ELF5: variants seen among roughly 807,000 people sequenced by gnomAD.
ELF5 encodes the protein ETS-related transcription factor Elf-5.
Under a neutral mutation model 38.2 loss-of-function variants are expected in ELF5, and 31 were observed. The ratio of observed to expected loss-of-function variants is 0.81; its 90% CI spans 0.61 to 1.10. The LOEUF (loss-of-function observed/expected upper bound fraction) is 1.10, where lower values mean the gene tolerates loss of function less well. Ranked by LOEUF, ELF5 falls within the 50% of genes least tolerant of loss-of-function variation. The pLI is 0.00. For synonymous variants in ELF5, 121 were observed against 112.5 expected (o/e 1.08, Z -0.48); for missense variants, 300 against 306.6 (o/e 0.98, Z 0.16).
Position 34,493,683 on chromosome 11 carries a change from G to C in ELF5, c.151C>G (p.Pro51Ala). 1.2e-6 allele frequency: 2 copies of C among 1,614,160 alleles called. No homozygotes were observed. Among genetic ancestry groups the C allele is most frequent in the Non-Finnish European group, 1.7e-6 (2 of 1,180,026 alleles). Residue 51 changes from proline to alanine, a missense_variant, in exon 3 of 7, where the codon CCT becomes GCT. Transcript: ENST00000257832. ...ACDSYWTSVHPEYWTKRHVWE... is the reference protein window; with the variant it reads ...ACDSYWTSVHAEYWTKRHVWE... Reference sequence around the variant, plus strand: ...ACATGGCGCTTAGTCCAGTATTCAGGGTGGACTGATGTCCAGTATGAGTCA... The same window carrying C: ...ACATGGCGCTTAGTCCAGTATTCAGCGTGGACTGATGTCCAGTATGAGTCA...
At chr11:34,480,354 C>T in intron 6 of ELF5, 40 bp from the exon 7 acceptor site, 1 of 1,503,214 alleles carries the variant, frequency 6.7e-7, no homozygotes, top group Non-Finnish European at 9.3e-7. Context: ...GGAGAGCTTG[C>T]ACCCTAGGAA....
intron 4 of ELF5, among the ~76,000 whole-genome samples, chr11:34,486,600 A>C (rs370264082): frequency 1.3e-5 from 2 of 152,338 alleles, no homozygotes; most frequent in South Asian, 4.1e-4. Flanking sequence ...GTGAGTGTGC[A>C]TAGCACACAA....
intron 4 of ELF5, 147 bp from the exon 5 acceptor site, chr11:34,482,646 A>G: frequency 1.6e-6 from 1 of 609,856 alleles, no homozygotes; most frequent in Non-Finnish European, 2.8e-6. Context: ...ACTAGGTGGC[A>G]GGTGTCAAGA....
At chr11:34,489,946 T>C (rs1035600066) in intron 4 of ELF5, 63 bp downstream of exon 4, 37 of 1,580,582 alleles carry the variant, frequency 2.3e-5, no homozygotes, top group Non-Finnish European at 3.1e-5. Context: ...AAAAGAATGG[T>C]CAAGCCCATG....
intron 4 of ELF5, among the ~76,000 whole-genome samples, chr11:34,487,347 T>A (rs1435044716): frequency 2.6e-5 from 4 of 152,138 alleles, no homozygotes; most frequent in African/African-American, 9.7e-5. Context: ...CTTGTCTCCA[T>A]GAGTTCATGC....
intron 1 of ELF5, chr11:34,511,394 C>A (rs750950495): frequency 6.8e-5 from 73 of 1,075,644 alleles, no homozygotes; most frequent in Non-Finnish European, 9.0e-5. Flanking sequence ...CACTGCCCAC[C>A]GATAGATCCG....
chr11:34,497,036 TA>T (rs1399781264), intron 2 of ELF5, among the ~76,000 whole-genome samples: 2 of 151,804 alleles, frequency 1.3e-5, no homozygotes, highest in African/African-American at 4.8e-5. Context: ...CTAGAAAAAA[TA>T]AAAAATACAA....
intron 2 of ELF5, among the ~76,000 whole-genome samples, chr11:34,500,909 C>T (rs1309922610): frequency 6.6e-6 from 1 of 152,056 alleles, no homozygotes; most frequent in East Asian, 1.9e-4. Flanking sequence ...CAAATAAAAT[C>T]TCACATTGTG....
chr11:34,508,654 G>A (rs2133904194), intron 1 of ELF5, among the ~76,000 whole-genome samples: 1 of 152,282 alleles, frequency 6.6e-6, no homozygotes, highest in Admixed American at 6.5e-5. Flanking sequence ...TTAAGAAAAA[G>A]TTTGCAACCC....
chr11:34,480,977 A>G lies in ELF5; in HGVS notation c.476-10T>C. The G allele has an allele frequency of 1.3e-6, 2 of 1,575,664 alleles. No homozygotes were observed. Among genetic ancestry groups the G allele is most frequent in the African/African-American group, 1.4e-5 (1 of 72,694 alleles). ...TGAGAACTTTGGAGGCCTTTTGAAA[A>G]GGGGAAAACATTAACTATTTACCAT... On this transcript the variant is annotated splice_polypyrimidine_tract_variant and intron_variant, in intron 5 of 6. Coordinates refer to ENST00000257832, the MANE Select transcript of ELF5 (RefSeq NM_001422.4).
In ELF5 at chr11:34,505,718, A is replaced by G. The variant is rs780368923; in HGVS notation, c.32T>C (p.Leu11Pro). The G allele has an allele frequency of 2.5e-6, 4 of 1,614,114 alleles. No individual in the cohort carries two copies. Among genetic ancestry groups the G allele is most frequent in the Non-Finnish European group, 1.7e-6 (2 of 1,179,980 alleles). The change falls in exon 2 of 7, where the codon CTG becomes CCG. Residue 11 changes from leucine (L) to proline (P), a missense_variant. Transcript: ENST00000257832. Reference sequence around the variant, plus strand: ...GGGATCGCAGAAGGATGCATTAGGCAGGAAGGTGCTGTGTGTCACCGAGTC... The same window carrying G: ...GGGATCGCAGAAGGATGCATTAGGCGGGAAGGTGCTGTGTGTCACCGAGTC... MLDSVTHSTF[L>P]PNASFCDPLM...
intron 2 of ELF5, among the ~76,000 whole-genome samples, chr11:34,494,078 G>A (rs1399202977): frequency 1.3e-5 from 2 of 152,216 alleles, no homozygotes; most frequent in Non-Finnish European, 2.9e-5. Flanking sequence ...GACAAGCTGG[G>A]TTGAAATTCT....
intron 4 of ELF5, among the ~76,000 whole-genome samples, chr11:34,485,861 G>T (rs969665529): frequency 6.6e-6 from 1 of 152,022 alleles, no homozygotes; most frequent in African/African-American, 2.4e-5. Flanking sequence ...TAGCACCACC[G>T]TGAACCCACT....
intron 3 of ELF5, 98 bp downstream of exon 3, chr11:34,493,381 T>C: frequency 8.6e-7 from 1 of 1,164,668 alleles, no homozygotes; most frequent in Non-Finnish European, 1.3e-6. Context: ...GTTAGTAAAA[T>C]TTTGCTGTGC....
chr11:34,508,795 G>A (rs1691392640), intron 1 of ELF5, among the ~76,000 whole-genome samples: 1 of 152,220 alleles, frequency 6.6e-6, no homozygotes. Context: ...GGGAATTTGT[G>A]TAACTAGCTC....
chr11:34,488,454 A>G (rs570109857), intron 4 of ELF5, among the ~76,000 whole-genome samples: 2 of 152,334 alleles, frequency 1.3e-5, no homozygotes, highest in East Asian at 3.9e-4. Flanking sequence ...TAAAAAGGCT[A>G]TAGCACTAGG....
rs759634005 is a variant in ELF5, at chr11:34,482,542, C to T, written c.407-43G>A. 4.0e-6 allele frequency: 6 copies of T among 1,511,598 alleles called. No homozygotes were observed. The African/African-American group carries it at 5.6e-5, about 14-fold the overall frequency. The allele number at this position is 1,511,598 out of a possible 1,614,324, so 93.6% of individuals were successfully genotyped here. Reference sequence around the variant, plus strand: ...ATAGCAGTGGAAAGGGATATAGAGGCCACATTCAGACCTCAAGTCATACCC... The same window carrying T: ...ATAGCAGTGGAAAGGGATATAGAGGTCACATTCAGACCTCAAGTCATACCC... On this transcript the variant is annotated intron_variant, in intron 4 of 6. Transcript: ENST00000257832.
Position 34,490,047 on chromosome 11 carries a change from A to C in ELF5, c.368T>G (p.Phe123Cys). Residue 123 changes from phenylalanine (F) to cysteine (C), a missense_variant, in exon 4 of 7, where the codon TTT (phenylalanine) becomes TGT (cysteine). Transcript: ENST00000257832. Reference protein sequence around the residue: ...QNIRTQGYSFFNDAEESKATI... With the variant: ...QNIRTQGYSFCNDAEESKATI... The stretch of plus-strand genomic sequence containing the variant: ...GGCCTTGCTTTCTTCAGCGTCATTA[A>C]AAAAGGAGTAACCTGGGAAAGAAAA... The C allele has an allele frequency of 6.2e-7, 1 of 1,614,114 alleles. No individual in the cohort carries two copies. Among genetic ancestry groups the C allele is most frequent in the Non-Finnish European group, 8.5e-7 (1 of 1,179,962 alleles).
chr11:34,487,345 C>T (rs539816602), intron 4 of ELF5, among the ~76,000 whole-genome samples: 1 of 152,256 alleles, frequency 6.6e-6, no homozygotes, highest in East Asian at 1.9e-4. Context: ...GGCTTGTCTC[C>T]ATGAGTTCAT....
Sources: allele counts gnomAD v4.1 joint callset (sites outside exome capture counted in the v4.1 genomes callset), GRCh38; gene constraint gnomAD v4.1.1; transcripts MANE v1.5; gene names NCBI Gene and HGNC (gene_info 2026-07-23, HGNC 2026-07-21).